Variants in UNC13B observed in about 807,000 individuals in gnomAD.
UNC13B encodes protein unc-13 homolog B.
In UNC13B, 144 loss-of-function variants were observed where a neutral mutation model predicts 211.0. That is an observed-to-expected ratio of 0.68 (90% CI 0.60 to 0.78). UNC13B has a LOEUF of 0.78. Among genes scored for constraint, UNC13B ranks in the 30% least tolerant of loss-of-function variants. The probability of loss-of-function intolerance (pLI) is 0.00; values close to 1 mark genes in which losing one functional copy is unlikely to be tolerated. For missense variants in UNC13B, 1,777 were observed against 2,002.0 expected (o/e 0.89, Z 2.14); for synonymous variants, 709 against 725.8 (o/e 0.98, Z 0.37).
intron 11 of UNC13B, among the ~76,000 whole-genome samples, chr9:35,326,910 T>A (rs922480515): frequency 1.3e-5 from 2 of 152,224 alleles, no homozygotes; most frequent in African/African-American, 4.8e-5. Context: ...AATTGGGTTA[T>A]TTGTCTTTTT....
At position 35,306,685 on chromosome 9, in the gene UNC13B, C is replaced by T; in HGVS notation, c.7281C>T (p.Ser2427=). The T allele has an allele frequency of 2.5e-6, 1 of 399,066 alleles. No homozygotes were observed. Among genetic ancestry groups the T allele is most frequent in the East Asian group, 3.6e-5 (1 of 28,074 alleles). The allele number at this position is 399,066 out of a possible 1,614,324, so 24.7% of individuals were successfully genotyped here. A position where few individuals can be genotyped will look rare whatever the true frequency, so the allele number is the denominator to read the frequency against. The change falls in exon 9 of 40, where the codon TCC becomes TCT. Residue 2427 remains serine, a synonymous_variant. Transcript: ENST00000635942. Reference sequence around the variant, plus strand: ...CACAGATCCTAGAGCCAGCCTCTTCCTCTCCAGAGCCAGGGTGTGCAGGGA... The same window carrying T: ...CACAGATCCTAGAGCCAGCCTCTTCTTCTCCAGAGCCAGGGTGTGCAGGGA... ...VLPQILEPAS[S]SPEPGCAGNL... is the part of the protein sequence containing the mutation.
At chr9:35,232,923 G>A (rs984205092) in intron 3 of UNC13B, among the ~76,000 whole-genome samples, 4 of 152,188 alleles carry the variant, frequency 2.6e-5, no homozygotes, top group African/African-American at 9.7e-5. Flanking sequence ...GGATTGAACA[G>A]AGAGGTAGGA....
chr9:35,352,666 C>A, intron 11 of UNC13B: 1 of 1,231,992 alleles, frequency 8.1e-7, no homozygotes, highest in Non-Finnish European at 1.0e-6. Context: ...TACTCAAGAA[C>A]AATTTATCAA....
intron 11 of UNC13B, chr9:35,360,499 T>G (rs1044397047): frequency 3.9e-5 from 6 of 152,206 alleles, no homozygotes; most frequent in African/African-American, 1.4e-4. Flanking sequence ...TATCAGCTAC[T>G]GTCATCATCT....
At chr9:35,267,200 T>C (rs761854269) in intron 7 of UNC13B, among the ~76,000 whole-genome samples, 1 of 152,150 alleles carries the variant, frequency 6.6e-6, no homozygotes, top group Non-Finnish European at 1.5e-5. Context: ...AGATGGACCA[T>C]CACAAAGAGA....
At chr9:35,196,275 C>T (rs1164101620) in intron 1 of UNC13B, among the ~76,000 whole-genome samples, 1 of 152,178 alleles carries the variant, frequency 6.6e-6, no homozygotes, top group African/African-American at 2.4e-5. Context: ...AGATGGGTTA[C>T]AAACAAGGGA....
Position 35,305,374 on chromosome 9 carries a change from A to T in UNC13B, c.5970A>T (p.Lys1990Asn). ...GGGGTACCCTTGGGGATTTCTTTAA[A>T]GCCAATGTATCTCCTATACAGACAA... Reference protein sequence around the residue: ...NFWGTLGDFFKANVSPIQTTE... With the variant: ...NFWGTLGDFFNANVSPIQTTE... The change falls in exon 9 of 40, where the codon AAA becomes AAT. Residue 1990 changes from lysine to asparagine, a missense_variant. Physicochemically the swap from Lys to Asn is moderately conservative, Grantham distance 94. Transcript: ENST00000635942. The T allele has an allele frequency of 2.5e-6, 1 of 398,970 alleles. No individual in the cohort carries two copies. Among genetic ancestry groups the T allele is most frequent in the East Asian group, 3.6e-5 (1 of 28,074 alleles). The allele number at this position is 398,970 out of a possible 1,614,324, so 24.7% of individuals were successfully genotyped here.
At chr9:35,189,995 C>A (rs549716684) in intron 1 of UNC13B, among the ~76,000 whole-genome samples, 16 of 152,222 alleles carry the variant, frequency 1.1e-4, no homozygotes, top group Admixed American at 3.3e-4. Context: ...TTGGATTACT[C>A]GTTTCAGGAT....
chr9:35,314,335 G>A (rs576231375), intron 11 of UNC13B, among the ~76,000 whole-genome samples: 12 of 152,194 alleles, frequency 7.9e-5, no homozygotes, highest in Middle Eastern at 3.4e-3. Flanking sequence ...TTACCTAGCC[G>A]GTCCATACTG....
chr9:35,396,380 G>T, intron 26 of UNC13B, 96 bp from the exon 27 acceptor site: 1 of 1,516,366 alleles, frequency 6.6e-7, no homozygotes, highest in Non-Finnish European at 9.0e-7. Flanking sequence ...TAAGACATCT[G>T]ATGGAGCTGC....
At chr9:35,229,325 G>A (rs1825061861) in intron 2 of UNC13B, among the ~76,000 whole-genome samples, 1 of 152,112 alleles carries the variant, frequency 6.6e-6, no homozygotes, top group Non-Finnish European at 1.5e-5. Flanking sequence ...TTTCTGAGCA[G>A]TTTCTTGTTT....
intron 38 of UNC13B, 79 bp downstream of exon 38, chr9:35,403,338 C>T (rs1836453794): frequency 6.3e-7 from 1 of 1,598,094 alleles, no homozygotes; most frequent in Non-Finnish European, 8.6e-7. Context: ...GCTGCTCATC[C>T]CAGCCCTCCA....
chr9:35,364,132 C>CAGAACATCTCCAG (rs1564167873), intron 11 of UNC13B, among the ~76,000 whole-genome samples: 1 of 148,140 alleles, frequency 6.8e-6, no homozygotes. Flanking sequence ...AATAAGCTCA[C>CAGAACATCTCCAG]GTGGCTTCTG....
chr9:35,366,809 A>G (rs1833798440), intron 11 of UNC13B, 138 bp from the exon 12 acceptor site: 8 of 699,514 alleles, frequency 1.1e-5, no homozygotes, highest in Non-Finnish European at 2.0e-5. Context: ...ACATTGGTTT[A>G]GATGTCAGAC....
chr9:35,343,377 G>A (rs1762182549), intron 11 of UNC13B, among the ~76,000 whole-genome samples: 1 of 152,184 alleles, frequency 6.6e-6, no homozygotes, highest in South Asian at 2.1e-4. Flanking sequence ...TTATGTTCTT[G>A]TCTGTGAGAG....
intron 4 of UNC13B, among the ~76,000 whole-genome samples, chr9:35,236,999 A>G (rs1164889968): frequency 1.3e-5 from 2 of 152,170 alleles, no homozygotes; most frequent in Admixed American, 1.3e-4. Flanking sequence ...ACCAATCTCC[A>G]AGGAACTAGT....
At chr9:35,326,598 A>G (rs1257218128) in intron 11 of UNC13B, among the ~76,000 whole-genome samples, 1 of 152,150 alleles carries the variant, frequency 6.6e-6, no homozygotes, top group Non-Finnish European at 1.5e-5. Context: ...TGTGTTGCCC[A>G]GGCTGGTCTT....
intron 4 of UNC13B, among the ~76,000 whole-genome samples, chr9:35,237,193 C>G (rs2131532452): frequency 6.6e-6 from 1 of 152,216 alleles, no homozygotes; most frequent in African/African-American, 2.4e-5. Flanking sequence ...CTGTTATATT[C>G]CTGTTTGGTG....
At chr9:35,343,473 G>A (rs1026801827) in intron 11 of UNC13B, among the ~76,000 whole-genome samples, 7 of 152,184 alleles carry the variant, frequency 4.6e-5, no homozygotes, top group Non-Finnish European at 7.3e-5. Flanking sequence ...TTGGAAAGAA[G>A]CGGGGTACCG....
Sources: gnomAD v4.1 joint callset for allele counts (sites outside exome capture counted in the v4.1 genomes callset) on GRCh38, gnomAD v4.1.1 for gene constraint, MANE v1.5 for transcripts, NCBI Gene and HGNC (gene_info 2026-07-23, HGNC 2026-07-21) for gene names.